The following USH2A variants were observed in gnomAD, a reference collection of about 807,000 sequenced individuals.
The protein encoded by USH2A is Usher syndrome 2A (autosomal recessive, mild).
Under a neutral mutation model 538.9 loss-of-function variants are expected in USH2A, and 443 were observed. The ratio of observed to expected loss-of-function variants is 0.82; its 90% CI spans 0.76 to 0.89. USH2A has a LOEUF of 0.89. Among genes scored for constraint, USH2A ranks in the 40% least tolerant of loss-of-function variants. The probability of loss-of-function intolerance (pLI) is 0.00; values close to 1 mark genes in which losing one functional copy is unlikely to be tolerated. For synonymous variants in USH2A, 2,413 were observed against 2,273.5 expected (o/e 1.06, Z -1.75); for missense variants, 6,633 against 6,324.8 (o/e 1.05, Z -1.65).
Position 216,199,732 on chromosome 1 carries a change from C to T in USH2A, c.3706G>A (p.Val1236Met), listed in dbSNP as rs1251163376. Reference sequence around the variant, plus strand: ...TGGGGAGGGGCCTGGGCTGTGGTCACTGTAATGGGCAAGCTGTGTAAACAG... The same window carrying T: ...TGGGGAGGGGCCTGGGCTGTGGTCATTGTAATGGGCAAGCTGTGTAAACAG... Reference protein sequence around the residue: ...GGCLHSLPITVTTAQAPPQRL... With the variant: ...GGCLHSLPITMTTAQAPPQRL... The change falls in exon 17 of 72, where the codon GTG becomes ATG. Residue 1236 changes from valine (V) to methionine (M), a missense_variant. Coordinates refer to ENST00000307340, the MANE Select transcript of USH2A (RefSeq NM_206933.4). The T allele has an allele frequency of 1.2e-6, 2 of 1,614,076 alleles. No homozygotes were observed. Among genetic ancestry groups the T allele is most frequent in the South Asian group, 1.1e-5 (1 of 91,084 alleles).
At chr1:215,811,639 G>A (rs770769082) in intron 49 of USH2A, among the ~76,000 whole-genome samples, 25 of 152,176 alleles carry the variant, frequency 1.6e-4, no homozygotes, top group Admixed American at 2.0e-4. Flanking sequence ...CAGGTGTGGT[G>A]TCTCACACCT....
intron 61 of USH2A, among the ~76,000 whole-genome samples, chr1:215,723,778 T>A (rs1413267846): frequency 6.6e-6 from 1 of 152,128 alleles, no homozygotes; most frequent in Non-Finnish European, 1.5e-5. Flanking sequence ...AGAAATTAGA[T>A]AAACAGTAAG....
intron 16 of USH2A, among the ~76,000 whole-genome samples, chr1:216,200,923 T>C (rs1025205994): frequency 6.6e-6 from 1 of 151,090 alleles, no homozygotes. Flanking sequence ...TATAGCAATA[T>C]GAAGGTCCCA....
chr1:216,398,002 G>A (rs1053793815), intron 3 of USH2A, among the ~76,000 whole-genome samples: 34 of 152,076 alleles, frequency 2.2e-4, no homozygotes, highest in East Asian at 1.9e-4. Flanking sequence ...AATAGACTTC[G>A]CAATATTTGA....
intron 32 of USH2A, among the ~76,000 whole-genome samples, chr1:216,016,598 T>A (rs1668717485): frequency 6.6e-6 from 1 of 152,154 alleles, no homozygotes; most frequent in Non-Finnish European, 1.5e-5. Context: ...GAGTTGCCCT[T>A]TTAATAAATT....
intron 55 of USH2A, among the ~76,000 whole-genome samples, chr1:215,775,237 G>A (rs551312456): frequency 6.6e-6 from 1 of 152,264 alleles, no homozygotes; most frequent in East Asian, 1.9e-4. Context: ...ACCATGCTTG[G>A]AAGCACATGA....
At chr1:215,932,528 G>A (rs934443079) in intron 38 of USH2A, among the ~76,000 whole-genome samples, 6 of 151,894 alleles carry the variant, frequency 4.0e-5, no homozygotes, top group Admixed American at 6.6e-5. Context: ...CTGCCACAAG[G>A]TCATAAAAAA....
intron 21 of USH2A, among the ~76,000 whole-genome samples, chr1:216,150,141 C>T (rs1439828515): frequency 2.6e-5 from 4 of 152,160 alleles, no homozygotes; most frequent in East Asian, 1.9e-4. Flanking sequence ...ATCTTCTGTC[C>T]GGTCATACTC....
intron 70 of USH2A, among the ~76,000 whole-genome samples, chr1:215,634,252 A>G (rs1276681253): frequency 6.6e-6 from 1 of 152,214 alleles, no homozygotes; most frequent in Non-Finnish European, 1.5e-5. Context: ...AGGCAGTGAT[A>G]TTTTTTAAAG....
intron 11 of USH2A, among the ~76,000 whole-genome samples, chr1:216,273,709 A>T (rs1186023438): frequency 1.3e-5 from 2 of 151,872 alleles, no homozygotes; most frequent in Admixed American, 1.3e-4. Context: ...AGATATTATC[A>T]AATATAGGAG....
At chr1:216,400,638 A>G (rs933280715) in intron 3 of USH2A, among the ~76,000 whole-genome samples, 3 of 152,148 alleles carry the variant, frequency 2.0e-5, no homozygotes, top group African/African-American at 4.8e-5. Flanking sequence ...TAGGGCTTTC[A>G]CTATTAAACT....
intron 38 of USH2A, among the ~76,000 whole-genome samples, chr1:215,905,578 CG>C (rs1665619893): frequency 6.6e-6 from 1 of 151,988 alleles, no homozygotes; most frequent in South Asian, 2.1e-4. Flanking sequence ...ATAAATGCTA[CG>C]GGGGACTCGG....
intron 65 of USH2A, among the ~76,000 whole-genome samples, chr1:215,649,081 A>G (rs1385171576): frequency 6.6e-6 from 1 of 152,194 alleles, no homozygotes; most frequent in Non-Finnish European, 1.5e-5. Flanking sequence ...GAACACACAA[A>G]GTGTTGATCA....
rs555877799 is a variant in USH2A at position 215,793,561 on chromosome 1, C to T, written c.9959-3279G>A. 3.4e-4 allele frequency among the ~76,000 whole-genome samples: 50 copies of T among 146,184 alleles called. 1 individual carries two copies. Among genetic ancestry groups the T allele is most frequent in the African/African-American group, 1.3e-3 (50 of 37,566 alleles). ...TACATTTTATAGCACTGATATATTACACTTTTCAAAAAAAAAATCATTCTG... is the reference window on the plus strand; with the variant it reads ...TACATTTTATAGCACTGATATATTATACTTTTCAAAAAAAAAATCATTCTG... On this transcript the variant is annotated intron_variant, in intron 50 of 71. Transcript: ENST00000307340.
rs1655836580 is a variant in USH2A, at chr1:215,622,893, A to G, written c.*2888T>C. 6.6e-6 allele frequency: 1 copy of G among 152,178 alleles called. No homozygotes were observed. The highest frequency in any genetic ancestry group is 2.1e-4 in the South Asian group (1 of 4,832). 9.4% of individuals were successfully genotyped at this position (152,178 alleles called of 1,614,324 possible). ...ATAAATAGATGATTAAGCCAGAATT[A>G]GGTCACATTCAAATATTTATTAAGC... On this transcript the variant is annotated 3_prime_UTR_variant, in exon 72 of 72. Transcript: ENST00000307340.
chr1:215,876,636 C>A (rs1423119947), intron 43 of USH2A, among the ~76,000 whole-genome samples: 2 of 152,120 alleles, frequency 1.3e-5, no homozygotes, highest in Admixed American at 1.3e-4. Context: ...GGCCAGTACA[C>A]TACAATGACA....
In USH2A at chr1:216,422,318, A is replaced by G; in HGVS notation, c.19T>C (p.Ser7Pro). ...TGAAACAAGAAGCCAGAGCCCAATG[A>G]AAGAACTGGGCAATTCATGTTTACA... is the stretch of plus-strand genomic sequence containing the variant. MNCPVL[S>P]LGSGFLFQVI... Residue 7 changes from serine (S) to proline (P), a missense_variant, in exon 2 of 72, where the codon TCA becomes CCA. By Grantham distance (74) the Ser-to-Pro change is moderately conservative (BLOSUM62 -1). Coordinates refer to ENST00000307340, the MANE Select transcript of USH2A (RefSeq NM_206933.4). 6.2e-7 allele frequency: 1 copy of G among 1,613,854 alleles called. No homozygotes were observed. The highest frequency in any genetic ancestry group is 8.5e-7 in the Non-Finnish European group (1 of 1,179,840).
chr1:216,279,229 A>C (rs2102592237), intron 11 of USH2A, among the ~76,000 whole-genome samples: 1 of 152,042 alleles, frequency 6.6e-6, no homozygotes, highest in Middle Eastern at 3.4e-3. Context: ...TAATTCCCTT[A>C]TTTGTTGTTT....
chr1:216,082,988 G>A (rs1306425463), intron 26 of USH2A, among the ~76,000 whole-genome samples: 1 of 152,020 alleles, frequency 6.6e-6, no homozygotes, highest in Non-Finnish European at 1.5e-5. Context: ...TCTGAAAGGA[G>A]ATGGAAACAA....
Sources: allele counts gnomAD v4.1 joint callset (sites outside exome capture counted in the v4.1 genomes callset), GRCh38; gene constraint gnomAD v4.1.1; transcripts MANE v1.5; gene names NCBI Gene and HGNC (gene_info 2026-07-23, HGNC 2026-07-21).